PRUNE2: variants seen among roughly 807,000 people sequenced by gnomAD.
The protein encoded by PRUNE2 is protein prune homolog 2.
Under a neutral mutation model 252.0 loss-of-function variants are expected in PRUNE2, and 164 were observed. The ratio of observed to expected loss-of-function variants is 0.65; its 90% CI spans 0.57 to 0.74. PRUNE2 has a LOEUF of 0.74. Ranked by LOEUF, PRUNE2 falls within the 30% of genes least tolerant of loss-of-function variation. The probability of loss-of-function intolerance (pLI) is 0.00; values close to 1 mark genes in which losing one functional copy is unlikely to be tolerated. For synonymous variants in PRUNE2, 1,292 were observed against 1,350.2 expected, an observed-to-expected ratio of 0.96 and a Z score of 0.94; for missense variants, 3,495 against 3,711.0, an observed-to-expected ratio of 0.94 and a Z score of 1.51.
chr9:76,705,796 G>A lies in PRUNE2; in HGVS notation c.6478C>T (p.Leu2160Phe), dbSNP rs374495101. The A allele has an allele frequency of 1.6e-5, 26 of 1,613,710 alleles. No individual in the cohort carries two copies. The highest frequency in any genetic ancestry group is 2.1e-5 in the Non-Finnish European group (25 of 1,179,898). The change falls in exon 8 of 19, where the codon CTC becomes TTC. Residue 2160 changes from leucine to phenylalanine, a missense_variant. Leu to Phe is a conservative substitution (Grantham distance 22). Coordinates refer to ENST00000376718, the MANE Select transcript of PRUNE2 (RefSeq NM_015225.3). ...AGCACAGTTGCGTTTTCAGAATCGAGTTCTGCATTGGATGGGACAAACTCC... is the reference window on the plus strand; with the variant it reads ...AGCACAGTTGCGTTTTCAGAATCGAATTCTGCATTGGATGGGACAAACTCC... ...GREFVPSNAE[L>F]DSENATVLPP...
intron 18 of PRUNE2, among the ~76,000 whole-genome samples, chr9:76,619,023 A>G (rs538526918): frequency 8.5e-5 from 13 of 152,362 alleles, no homozygotes; most frequent in South Asian, 4.1e-4. Flanking sequence ...AGATGATGTC[A>G]TTCAGAAAGC....
chr9:76,714,168 C>T (rs2135090233), intron 6 of PRUNE2, among the ~76,000 whole-genome samples: 1 of 151,976 alleles, frequency 6.6e-6, no homozygotes, highest in Admixed American at 6.6e-5. Flanking sequence ...AGGAGAAATT[C>T]CTACGAATCA....
At chr9:76,855,954 A>C (rs2132673628) in intron 1 of PRUNE2, among the ~76,000 whole-genome samples, 1 of 152,324 alleles carries the variant, frequency 6.6e-6, no homozygotes, top group South Asian at 2.1e-4. Context: ...ACACAGTCAA[A>C]TATTCTAGAA....
intron 6 of PRUNE2, among the ~76,000 whole-genome samples, chr9:76,816,464 T>G (rs184122992): frequency 9.1e-4 from 139 of 152,302 alleles, no homozygotes; most frequent in Non-Finnish European, 1.7e-3. Flanking sequence ...TTTCACTCTT[T>G]TATCCTGCTA....
chr9:76,664,553 C>T (rs1337837318), intron 9 of PRUNE2, among the ~76,000 whole-genome samples: 1 of 152,200 alleles, frequency 6.6e-6, no homozygotes, highest in African/African-American at 2.4e-5. Context: ...CAGGGTCTTG[C>T]TGTATTGCCC....
At chr9:76,728,426 G>A (rs946599988) in intron 6 of PRUNE2, among the ~76,000 whole-genome samples, 2 of 152,058 alleles carry the variant, frequency 1.3e-5, no homozygotes, top group Non-Finnish European at 1.5e-5. Context: ...GTGAGGCCTG[G>A]GTATCAGTAT....
At chr9:76,739,287 T>C (rs1197537734) in intron 6 of PRUNE2, 1 of 152,150 alleles carries the variant, frequency 6.6e-6, no homozygotes, top group Admixed American at 6.5e-5. Context: ...CTGTAGCCCA[T>C]GCAGCTCTGT....
chr9:76,881,604 C>T (rs533178428), intron 1 of PRUNE2, among the ~76,000 whole-genome samples: 2 of 151,754 alleles, frequency 1.3e-5, no homozygotes, highest in African/African-American at 4.8e-5. Flanking sequence ...TATAGATTTG[C>T]CTTTTCTGGA....
intron 16 of PRUNE2, chr9:76,625,081 C>T (rs1834101260): frequency 1.5e-6 from 2 of 1,298,450 alleles, no homozygotes; most frequent in African/African-American, 3.0e-5. Flanking sequence ...AAAACGAGTG[C>T]CATAAGGAAA....
intron 6 of PRUNE2, chr9:76,739,329 G>C (rs2049361853): frequency 6.6e-6 from 1 of 152,098 alleles, no homozygotes; most frequent in African/African-American, 2.4e-5. Context: ...GATGTGAAAA[G>C]TGACAGCCTC....
At chr9:76,862,285 G>C (rs900609743) in intron 1 of PRUNE2, 3 of 152,330 alleles carry the variant, frequency 2.0e-5, no homozygotes, top group Admixed American at 2.0e-4. Context: ...AGGCATGGTT[G>C]GCACATGCCT....
At chr9:76,619,120 C>T (rs1399616143) in intron 18 of PRUNE2, among the ~76,000 whole-genome samples, 1 of 152,170 alleles carries the variant, frequency 6.6e-6, no homozygotes, top group Non-Finnish European at 1.5e-5. Flanking sequence ...AAATAGAATG[C>T]CATGTCCACA....
At chr9:76,701,655 T>C (rs2045898714) in intron 9 of PRUNE2, among the ~76,000 whole-genome samples, 1 of 152,188 alleles carries the variant, frequency 6.6e-6, no homozygotes, top group African/African-American at 2.4e-5. Flanking sequence ...AAAGAAGGAT[T>C]AGGCCAGCTG....
intron 9 of PRUNE2, among the ~76,000 whole-genome samples, chr9:76,690,529 C>T (rs1219603499): frequency 6.6e-5 from 10 of 152,290 alleles, no homozygotes; most frequent in Admixed American, 1.3e-4. Flanking sequence ...ACTGTGATCT[C>T]TTATTGGAGA....
intron 4 of PRUNE2, among the ~76,000 whole-genome samples, chr9:76,837,240 G>T (rs924911690): frequency 6.6e-6 from 1 of 152,022 alleles, no homozygotes; most frequent in African/African-American, 2.4e-5. Flanking sequence ...TGAAGCGATT[G>T]AGACCATCCT....
chr9:76,804,864 G>C (rs1197153796), intron 6 of PRUNE2, among the ~76,000 whole-genome samples: 1 of 152,052 alleles, frequency 6.6e-6, no homozygotes, highest in East Asian at 1.9e-4. Flanking sequence ...CTTCCTTTCA[G>C]GCTTAAGGTG....
intron 11 of PRUNE2, among the ~76,000 whole-genome samples, chr9:76,649,612 T>TGATAGATAGATA (rs56889503): frequency 0.29 from 42,921 of 149,780 alleles, 6,336 homozygotes; most frequent in South Asian, 0.32. Flanking sequence ...GATAGATAGA[T>TGATAGATAGATA]GATAGATAGA....
intron 1 of PRUNE2, among the ~76,000 whole-genome samples, chr9:76,891,253 A>C (rs1284447445): frequency 6.6e-6 from 1 of 152,228 alleles, no homozygotes; most frequent in Non-Finnish European, 1.5e-5. Flanking sequence ...AATTTGACAG[A>C]ATTACACCTG....
intron 9 of PRUNE2, among the ~76,000 whole-genome samples, chr9:76,681,385 A>C (rs2043411007): frequency 6.6e-6 from 1 of 151,770 alleles, no homozygotes; most frequent in Non-Finnish European, 1.5e-5. Flanking sequence ...ACCTACCATA[A>C]CTGAACTGTA....
Sources: gnomAD v4.1 joint callset for allele counts (sites outside exome capture counted in the v4.1 genomes callset) on GRCh38, gnomAD v4.1.1 for gene constraint, MANE v1.5 for transcripts, NCBI Gene and HGNC (gene_info 2026-07-23, HGNC 2026-07-21) for gene names.